Variants in BRWD1 observed in about 807,000 individuals in gnomAD.
BRWD1 encodes bromodomain and WD repeat-containing protein 1.
Under a neutral mutation model 251.2 loss-of-function variants are expected in BRWD1, and 82 were observed. The observed-to-expected ratio is 0.33, with a 90% confidence interval of 0.27 to 0.39. The LOEUF (loss-of-function observed/expected upper bound fraction) is 0.39. Among genes scored for constraint, BRWD1 ranks in the 10% least tolerant of loss-of-function variants. BRWD1 has a pLI of 1.00. For synonymous variants in BRWD1, 918 were observed against 902.8 expected (o/e 1.02, Z -0.30); for missense variants, 2,233 against 2,711.6 (o/e 0.82, Z 3.92).
At chr21:39,238,784 G>A (rs975261276) in intron 21 of BRWD1, among the ~76,000 whole-genome samples, 4 of 152,062 alleles carry the variant, frequency 2.6e-5, no homozygotes, top group South Asian at 2.1e-4. Flanking sequence ...GAGAACATCC[G>A]TAAGATTTAA....
intron 9 of BRWD1, 121 bp downstream of exon 9, chr21:39,280,027 G>C: frequency 1.5e-6 from 1 of 662,266 alleles, no homozygotes; most frequent in Non-Finnish European, 2.5e-6. Context: ...TAAAAATTAA[G>C]TTCAAAGGTT....
At chr21:39,311,098 A>G (rs1041736424) in intron 4 of BRWD1, among the ~76,000 whole-genome samples, 1 of 152,030 alleles carries the variant, frequency 6.6e-6, no homozygotes, top group Non-Finnish European at 1.5e-5. Flanking sequence ...ACAGAATTTA[A>G]GTGATTTTAA....
chr21:39,185,160 C>A (rs1014025531), downstream of BRWD1: 1 of 151,618 alleles, frequency 6.6e-6, no homozygotes, highest in Admixed American at 6.6e-5. Flanking sequence ...CAAATATGTT[C>A]GAATTAAATA....
chr21:39,186,883 G>A lies in BRWD1; in HGVS notation c.*9376C>T. ...ATGTCTGTACAAGAGCTGACTGGGA[G>A]GAACCCACTGGATTATGGCTTTTAG... On this transcript the variant is annotated 3_prime_UTR_variant, in exon 41 of 41. Transcript: ENST00000342449. 1 of 1,376,080 alleles carries A rather than the reference G, an allele frequency of 7.3e-7. No homozygotes were observed. The highest frequency in any genetic ancestry group is 9.6e-7 in the Non-Finnish European group (1 of 1,040,570). The allele number at this position is 1,376,080 out of a possible 1,614,324, so 85.2% of individuals were successfully genotyped here.
rs1312612146 is a variant in BRWD1 at position 39,232,433 on chromosome 21, T to G, written c.2832A>C (p.Pro944=). The change falls in exon 24 of 41, where the codon CCA becomes CCC. Residue 944 remains proline, a synonymous_variant. Transcript: ENST00000342449. ...NMEHLYEFHP[P]VWITDTTLRK... ...TAAGTGTGGTGTCAGTAATCCAAAC[T>G]GGAGGGTGAAATTCATATAAATGCT... 6 of 1,591,718 alleles carry G rather than the reference T, an allele frequency of 3.8e-6. No individual in the cohort carries two copies. The highest frequency in any genetic ancestry group is 5.1e-6 in the Non-Finnish European group (6 of 1,175,068).
At chr21:39,295,498 T>C (rs999377369) in intron 7 of BRWD1, among the ~76,000 whole-genome samples, 1 of 149,836 alleles carries the variant, frequency 6.7e-6, no homozygotes. Flanking sequence ...GGTATGTCTA[T>C]TTTTAAGCAT....
At chr21:39,277,185 C>A in intron 11 of BRWD1, 66 bp downstream of exon 11, 4 of 1,125,054 alleles carry the variant, frequency 3.6e-6, no homozygotes, top group South Asian at 3.3e-5. Context: ...AATAACAATG[C>A]CCCTTAGCAA....
At chr21:39,201,178 A>G (rs6517525) in intron 38 of BRWD1, among the ~76,000 whole-genome samples, 141,081 of 152,218 alleles carry the variant, frequency 0.93, 65,733 homozygotes, top group African/African-American at 0.97. Context: ...ACACGAGAGA[A>G]AGAGTGTGAG....
intron 10 of BRWD1, 78 bp downstream of exon 10, chr21:39,278,665 A>T: frequency 9.1e-7 from 1 of 1,099,556 alleles, no homozygotes; most frequent in Non-Finnish European, 1.3e-6. Flanking sequence ...AGCTAATAAA[A>T]GTTCTTAGCA....
At chr21:39,256,613 G>T (rs1204400186) in intron 18 of BRWD1, among the ~76,000 whole-genome samples, 1 of 152,030 alleles carries the variant, frequency 6.6e-6, no homozygotes, top group Non-Finnish European at 1.5e-5. Flanking sequence ...CACAGAGGCT[G>T]TTAAGGTGGG....
In BRWD1 at chr21:39,212,139, C is replaced by T. The variant is rs554335096; in HGVS notation, c.3900+527G>A. On this transcript the variant is annotated intron_variant, in intron 34 of 40. Coordinates refer to ENST00000342449, the MANE Select transcript of BRWD1 (RefSeq NM_033656.4). ...TTTCCTCTCCATTCCAAGCAAATAT[C>T]CTTGACTAGGTACCCGTCCTTCACC... is the stretch of plus-strand genomic sequence containing the variant. Among the ~76,000 whole-genome samples the T allele has an allele frequency of 1.2e-3, 176 of 152,264 alleles. 1 individual carries two copies. The highest frequency in any genetic ancestry group is 2.4e-3 in the Admixed American group (36 of 15,292).
Position 39,210,800 on chromosome 21 carries a change from A to C in BRWD1, c.4030T>G (p.Leu1344Val). 1.2e-6 allele frequency: 2 copies of C among 1,606,698 alleles called. No homozygotes were observed. The highest frequency in any genetic ancestry group is 1.1e-5 in the South Asian group (1 of 89,792). The change falls in exon 35 of 41, where the codon TTG (leucine) becomes GTG (valine). Residue 1344 changes from leucine to valine, a missense_variant. Physicochemically the swap from Leu to Val is conservative, Grantham distance 32 (BLOSUM62 1). Around this residue, in one of 12 missense-constraint regions of BRWD1, gnomAD observed 69 missense variants for 101.6 expected, o/e 0.68. Coordinates refer to ENST00000342449, the MANE Select transcript of BRWD1 (RefSeq NM_033656.4). ...TGGAAACTTACTGGATATTCAACCA[A>C]ATCAACAGGTTGTCTAAATGGTTCA... ...DSEPFRQPVD[L>V]VEYPDYRDII...
chr21:39,304,298 CAATTATGTTT>C (rs1011944928), intron 4 of BRWD1, among the ~76,000 whole-genome samples: 16 of 150,658 alleles, frequency 1.1e-4, no homozygotes, highest in African/African-American at 3.9e-4. Context: ...GACTTAAACC[CAATTATGTTT>C]AATTATGTTA....
At chr21:39,234,949 T>C (rs1461456475) in intron 23 of BRWD1, among the ~76,000 whole-genome samples, 1 of 152,088 alleles carries the variant, frequency 6.6e-6, no homozygotes, top group Admixed American at 6.6e-5. Context: ...TAAGTAAATA[T>C]GACTAAAAAT....
intron 5 of BRWD1, chr21:39,297,294 T>A (rs1404242404): frequency 1.0e-6 from 1 of 985,472 alleles, no homozygotes; most frequent in African/African-American, 1.7e-5. Context: ...GCATTTTACA[T>A]GAATGGATTC....
rs1051431925 is a variant in BRWD1 at position 39,194,168 on chromosome 21, C to T, written c.*2091G>A. On this transcript the variant is annotated 3_prime_UTR_variant, in exon 41 of 41. Coordinates refer to ENST00000342449, the MANE Select transcript of BRWD1 (RefSeq NM_033656.4). ...GACCAATTAATGCAGTCCAAATAAT[C>T]AGAATAGTTCTATTAATGAAGCCTA... The T allele has an allele frequency of 1.2e-4, 122 of 984,560 alleles. No homozygotes were observed. Among genetic ancestry groups the T allele is most frequent in the Middle Eastern group, 1.0e-3 (2 of 1,910 alleles). 61.0% of individuals were successfully genotyped at this position (984,560 alleles called of 1,614,324 possible).
intron 15 of BRWD1, among the ~76,000 whole-genome samples, chr21:39,267,266 T>A (rs1411519362): frequency 6.6e-6 from 1 of 151,624 alleles, no homozygotes; most frequent in Non-Finnish European, 1.5e-5. Context: ...TAAGAATGCA[T>A]CAGCATCAAT....
rs138388655 is a variant in BRWD1 at position 39,229,314 on chromosome 21, A to G, written c.3123T>C (p.Ile1041=). The G allele has an allele frequency of 1.2e-4, 190 of 1,594,740 alleles. No individual in the cohort carries two copies. The highest frequency in any genetic ancestry group is 1.6e-4 in the Non-Finnish European group (186 of 1,164,282). The stretch of plus-strand genomic sequence containing the variant: ...CCATTTTAAAAAATAATACATACCT[A>G]ATAGAGAAAGATTTGTCCATAAGTT... ...TGKLMDKSFS[I]RYHDMPDVID... is the part of the protein sequence containing the mutation. Residue 1041 remains isoleucine (I), a splice_region_variant and synonymous_variant, in exon 26 of 41, where the codon ATT becomes ATC. Transcript: ENST00000342449.
chr21:39,188,307 T>C lies in BRWD1; in HGVS notation c.*7952A>G, dbSNP rs947529693. The C allele has an allele frequency of 2.0e-6, 2 of 985,390 alleles. No homozygotes were observed. Among genetic ancestry groups the C allele is most frequent in the Non-Finnish European group, 2.4e-6 (2 of 829,910 alleles). The allele number at this position is 985,390 out of a possible 1,614,324, so 61.0% of individuals were successfully genotyped here. A position where few individuals can be genotyped will look rare whatever the true frequency, so the allele number is the denominator to read the frequency against. Reference sequence around the variant, plus strand: ...CACCAATCTTGATGGCAGTTTGTTTTGTAGGACCCTGCCTGAAGTTTCCAG... The same window carrying C: ...CACCAATCTTGATGGCAGTTTGTTTCGTAGGACCCTGCCTGAAGTTTCCAG... On this transcript the variant is annotated 3_prime_UTR_variant, in exon 41 of 41. Coordinates refer to ENST00000342449, the MANE Select transcript of BRWD1 (RefSeq NM_033656.4).
Sources: gnomAD v4.1 joint callset for allele counts (sites outside exome capture counted in the v4.1 genomes callset) on GRCh38, gnomAD v4.1.1 for gene constraint, gnomAD v4.1.1 regional missense constraint, MANE v1.5 for transcripts, NCBI Gene and HGNC (gene_info 2026-07-23, HGNC 2026-07-21) for gene names.